Variants in SDC2 observed in about 807,000 individuals in gnomAD.
SDC2 encodes the protein syndecan 2, also known as syndecan-2.
Under a neutral mutation model 22.2 loss-of-function variants are expected in SDC2, and 13 were observed. The observed-to-expected ratio is 0.59, with a 90% CI of 0.38 to 0.93. The LOEUF is 0.93. SDC2 is among the 40% of genes least tolerant of loss of function. The probability of loss-of-function intolerance (pLI) is 0.00; values close to 1 mark genes in which losing one functional copy is unlikely to be tolerated. For synonymous variants in SDC2, 94 were observed against 92.8 expected, an observed-to-expected ratio of 1.01 and a Z score of -0.07; for missense variants, 235 against 246.8, an observed-to-expected ratio of 0.95 and a Z score of 0.32.
At chr8:96,603,846 A>T (rs1254342040) in intron 3 of SDC2, among the ~76,000 whole-genome samples, 1 of 152,210 alleles carries the variant, frequency 6.6e-6, no homozygotes, top group Admixed American at 6.5e-5. Flanking sequence ...AGGCGGTAGG[A>T]AGGCAGGGAG....
chr8:96,534,785 C>T (rs1478691117), intron 1 of SDC2, among the ~76,000 whole-genome samples: 8 of 151,924 alleles, frequency 5.3e-5, no homozygotes, highest in Admixed American at 3.3e-4. Context: ...TCCCGCTGCC[C>T]TTCTCCCCCA....
intron 1 of SDC2, among the ~76,000 whole-genome samples, chr8:96,547,945 G>A (rs140349709): frequency 2.9e-4 from 44 of 151,620 alleles, no homozygotes; most frequent in African/African-American, 1.1e-3. Context: ...TTAATTTTTT[G>A]TAGAGATGGT....
At chr8:96,502,432 TA>T (rs766033702) in intron 1 of SDC2, among the ~76,000 whole-genome samples, 28 of 152,300 alleles carry the variant, frequency 1.8e-4, no homozygotes, top group Non-Finnish European at 2.5e-4. Context: ...CAGTGTAACA[TA>T]AAGAACAGCT....
chr8:96,534,598 C>T (rs996330368), intron 1 of SDC2, among the ~76,000 whole-genome samples: 1 of 151,970 alleles, frequency 6.6e-6, no homozygotes, highest in Non-Finnish European at 1.5e-5. Flanking sequence ...CCATACCTGG[C>T]TATTTTTTTT....
chr8:96,561,840 G>GT (rs1814215410), intron 1 of SDC2, among the ~76,000 whole-genome samples: 1 of 152,196 alleles, frequency 6.6e-6, no homozygotes, highest in Non-Finnish European at 1.5e-5. Flanking sequence ...TCAGGTAAGA[G>GT]GGCAGACCAC....
chr8:96,544,257 C>T (rs1176458404), intron 1 of SDC2, among the ~76,000 whole-genome samples: 1 of 152,138 alleles, frequency 6.6e-6, no homozygotes, highest in Non-Finnish European at 1.5e-5. Context: ...CTTACTGATG[C>T]AAAATTATCA....
intron 1 of SDC2, among the ~76,000 whole-genome samples, chr8:96,517,756 CGTT>C (rs1813425891): frequency 6.6e-6 from 1 of 151,168 alleles, no homozygotes; most frequent in South Asian, 2.1e-4. Flanking sequence ...TAAATACACA[CGTT>C]TGTGTGTGTG....
intron 1 of SDC2, among the ~76,000 whole-genome samples, chr8:96,526,627 G>T (rs576282515): frequency 7.5e-4 from 114 of 152,052 alleles, no homozygotes; most frequent in Admixed American, 2.2e-3. Context: ...GAAAATTAAA[G>T]AATCAAGCTA....
chr8:96,576,816 AT>A (rs1001841061), intron 1 of SDC2, among the ~76,000 whole-genome samples: 4 of 152,164 alleles, frequency 2.6e-5, no homozygotes, highest in African/African-American at 9.7e-5. Context: ...TTCAGCATTT[AT>A]CCCCTGGGAA....
intron 1 of SDC2, among the ~76,000 whole-genome samples, chr8:96,569,960 C>T (rs537246948): frequency 1.3e-5 from 2 of 152,236 alleles, no homozygotes; most frequent in South Asian, 2.1e-4. Context: ...GAAGGGGAGT[C>T]GCTTGAAGCA....
chr8:96,534,376 C>A (rs1813718329), intron 1 of SDC2, among the ~76,000 whole-genome samples: 1 of 152,192 alleles, frequency 6.6e-6, no homozygotes, highest in Non-Finnish European at 1.5e-5. Context: ...TGTCACCTCT[C>A]AATACTTTAG....
intron 2 of SDC2, among the ~76,000 whole-genome samples, chr8:96,600,059 T>G (rs1406786084): frequency 1.3e-5 from 2 of 152,086 alleles, no homozygotes; most frequent in African/African-American, 4.8e-5. Flanking sequence ...CTCAGGAGGC[T>G]GAGGTGAGAG....
intron 1 of SDC2, among the ~76,000 whole-genome samples, chr8:96,540,714 T>G (rs1477685658): frequency 6.6e-6 from 1 of 152,208 alleles, no homozygotes; most frequent in Non-Finnish European, 1.5e-5. Context: ...TTTCTCATTC[T>G]GTAGTGGTTT....
chr8:96,534,622 A>T (rs978386837), intron 1 of SDC2, among the ~76,000 whole-genome samples: 3 of 151,782 alleles, frequency 2.0e-5, no homozygotes, highest in Non-Finnish European at 1.5e-5. Context: ...TTTTTTGTAG[A>T]GACGAGGGCT....
chr8:96,564,345 T>G (rs1453768747), intron 1 of SDC2, among the ~76,000 whole-genome samples: 1 of 152,216 alleles, frequency 6.6e-6, no homozygotes, highest in African/African-American at 2.4e-5. Flanking sequence ...TTGAGTACTT[T>G]CAACTTTGCA....
chr8:96,533,157 G>A (rs1813694153), intron 1 of SDC2, among the ~76,000 whole-genome samples: 2 of 152,190 alleles, frequency 1.3e-5, no homozygotes, highest in Admixed American at 6.5e-5. Context: ...CATAAAGGTG[G>A]TGTGGACCCA....
chr8:96,520,897 A>G (rs944401381), intron 1 of SDC2, among the ~76,000 whole-genome samples: 2 of 152,230 alleles, frequency 1.3e-5, no homozygotes, highest in Non-Finnish European at 2.9e-5. Flanking sequence ...GGCAAAAGCC[A>G]AAACAATATG....
chr8:96,549,678 A>G (rs910883087), intron 1 of SDC2, among the ~76,000 whole-genome samples: 1 of 152,210 alleles, frequency 6.6e-6, no homozygotes, highest in African/African-American at 2.4e-5. Flanking sequence ...GTAAGTCTTC[A>G]TATCAGTTTC....
intron 1 of SDC2, among the ~76,000 whole-genome samples, chr8:96,502,629 G>T (rs1429229338): frequency 6.6e-6 from 1 of 152,102 alleles, no homozygotes; most frequent in Non-Finnish European, 1.5e-5. Context: ...GAGCACTTGA[G>T]CCTGGTCTGA....
Sources: allele counts gnomAD v4.1 joint callset (sites outside exome capture counted in the v4.1 genomes callset), GRCh38; gene constraint gnomAD v4.1.1; transcripts MANE v1.5; gene names NCBI Gene and HGNC (gene_info 2026-07-23, HGNC 2026-07-21).